Variants in VEPH1 observed in about 807,000 individuals in gnomAD.
VEPH1 encodes the protein ventricular zone expressed PH domain containing 1.
A neutral mutation model predicts 85.2 loss-of-function variants in VEPH1; 80 were observed. The ratio of observed to expected loss-of-function variants is 0.94; its 90% CI spans 0.78 to 1.13. VEPH1 has a LOEUF of 1.13. Among genes scored for constraint, VEPH1 ranks in the 50% most tolerant of loss-of-function variants. The probability of loss-of-function intolerance (pLI) is 0.00; values close to 1 mark genes in which losing one functional copy is unlikely to be tolerated. For missense variants in VEPH1, 955 were observed against 980.5 expected (o/e 0.97, Z 0.35); for synonymous variants, 297 against 348.0 (o/e 0.85, Z 1.63).
intron 9 of VEPH1, among the ~76,000 whole-genome samples, chr3:157,322,006 G>T (rs1315064205): frequency 6.6e-6 from 1 of 151,890 alleles, no homozygotes; most frequent in Non-Finnish European, 1.5e-5. Flanking sequence ...CAATTCGCTG[G>T]CATTAAATAC....
At chr3:157,406,299 C>T (rs577196222) in intron 6 of VEPH1, among the ~76,000 whole-genome samples, 27 of 152,190 alleles carry the variant, frequency 1.8e-4, no homozygotes, top group African/African-American at 3.1e-4. Flanking sequence ...TCTTGTAGAA[C>T]GGACCCCAGA....
intron 6 of VEPH1, among the ~76,000 whole-genome samples, chr3:157,411,211 T>C (rs575749298): frequency 1.3e-5 from 2 of 152,284 alleles, no homozygotes; most frequent in African/African-American, 4.8e-5. Context: ...AGAAGGAGCC[T>C]GGGTCTCTGA....
chr3:157,363,243 A>T, intron 9 of VEPH1, 121 bp downstream of exon 9: 1 of 1,030,800 alleles, frequency 9.7e-7, no homozygotes, highest in Non-Finnish European at 1.4e-6. Flanking sequence ...GGTATTTAAA[A>T]AAAATGATCT....
chr3:157,261,964 C>G (rs1712966202), intron 13 of VEPH1, among the ~76,000 whole-genome samples: 1 of 152,092 alleles, frequency 6.6e-6, no homozygotes. Flanking sequence ...TCACACTGGG[C>G]TAAGATGAAT....
At chr3:157,450,150 G>C (rs1162688010) in intron 4 of VEPH1, among the ~76,000 whole-genome samples, 1 of 148,586 alleles carries the variant, frequency 6.7e-6, no homozygotes, top group African/African-American at 2.5e-5. Flanking sequence ...CAACCTCCTG[G>C]GCTCAAGCTA....
Position 157,317,140 on chromosome 3 carries a change from G to T in VEPH1, c.1797C>A (p.Cys599Ter), listed in dbSNP as rs138502294. The change falls in exon 10 of 14, where the codon TGC becomes TGA. Residue 599 changes from cysteine to a stop codon, truncating the protein, a stop_gained. Transcript: ENST00000362010. LOFTEE classifies it high-confidence loss of function. ...FFTCSLKGHY[C>*]LYSKSSFILI... ...GAATAAAACTGGACTTACTGTATAG[G>T]CAGTAATGACCCTTCAGGGAGCAGG... 3.6e-5 allele frequency: 58 copies of T among 1,613,270 alleles called. No individual in the cohort carries two copies. Among genetic ancestry groups the T allele is most frequent in the Non-Finnish European group, 4.9e-5 (58 of 1,179,586 alleles).
chr3:157,373,193 G>C (rs1025137319), intron 7 of VEPH1, among the ~76,000 whole-genome samples: 1 of 152,284 alleles, frequency 6.6e-6, no homozygotes, highest in South Asian at 2.1e-4. Context: ...TGCCTCCAGA[G>C]CTCTCACTTA....
intron 6 of VEPH1, chr3:157,409,916 C>A (rs1451841601): frequency 1.0e-6 from 1 of 985,308 alleles, no homozygotes; most frequent in Non-Finnish European, 1.2e-6. Flanking sequence ...TTGCTGGAAA[C>A]CAGAAAACAA....
At chr3:157,263,477 A>G (rs1713187268) in intron 13 of VEPH1, among the ~76,000 whole-genome samples, 6 of 152,070 alleles carry the variant, frequency 3.9e-5, no homozygotes, top group Admixed American at 3.9e-4. Context: ...GAAAATTACT[A>G]CGTCTTCATT....
At chr3:157,388,002 TA>T (rs1729485199) in intron 6 of VEPH1, among the ~76,000 whole-genome samples, 1 of 152,126 alleles carries the variant, frequency 6.6e-6, no homozygotes, top group South Asian at 2.1e-4. Flanking sequence ...TTTACAAATG[TA>T]AAAAAATAAT....
intron 2 of VEPH1, among the ~76,000 whole-genome samples, chr3:157,483,226 C>A (rs1738299976): frequency 6.6e-6 from 1 of 151,942 alleles, no homozygotes; most frequent in Admixed American, 6.6e-5. Context: ...GACATCACCA[C>A]CACTAACAAC....
rs1726249996 is a variant in VEPH1 at position 157,363,237 on chromosome 3, T to C, written c.1735+127A>G. 4.3e-6 allele frequency: 4 copies of C among 933,416 alleles called. No individual in the cohort carries two copies. In the East Asian group the frequency reaches 1.0e-4, roughly 24 times the overall value. The allele number at this position is 933,416 out of a possible 1,614,324, so 57.8% of individuals were successfully genotyped here. ...AAAAAAACTAACATAATGTAAGGTATTTAAAAAAAATGATCTATTTTGCAA... is the reference window on the plus strand; with the variant it reads ...AAAAAAACTAACATAATGTAAGGTACTTAAAAAAAATGATCTATTTTGCAA... On this transcript the variant is annotated intron_variant, in intron 9 of 13. Transcript: ENST00000362010.
At position 157,313,501 on chromosome 3, in the gene VEPH1, T is replaced by C. The variant is rs113999863; in HGVS notation, c.2010+120A>G. The C allele has an allele frequency of 8.5e-3, 10,092 of 1,185,566 alleles. 61 individuals are homozygous for C. The highest frequency in any genetic ancestry group is 9.9e-3 in the Non-Finnish European group (8,542 of 863,520). The allele number at this position is 1,185,566 out of a possible 1,614,324, so 73.4% of individuals were successfully genotyped here. A position where few individuals can be genotyped will look rare whatever the true frequency, so the allele number is the denominator to read the frequency against. ...ATAATTTCTTACAAGTGTTTTATGA[T>C]AATAATAAAAGAAAGGTAAACGAAA... On this transcript the variant is annotated intron_variant, in intron 11 of 13. Transcript: ENST00000362010.
At chr3:157,503,424 T>G (rs543185482), upstream of VEPH1, 1 of 152,344 alleles carries the variant, frequency 6.6e-6, no homozygotes, top group African/African-American at 2.4e-5. Flanking sequence ...CTCCCTGAGC[T>G]GCCTGTCAAG....
intron 9 of VEPH1, among the ~76,000 whole-genome samples, chr3:157,343,172 A>G (rs1723782004): frequency 6.6e-6 from 1 of 152,198 alleles, no homozygotes; most frequent in Non-Finnish European, 1.5e-5. Context: ...AGAAATAACT[A>G]AGATCAGAGC....
At chr3:157,365,239 AAT>A (rs1726508539) in intron 7 of VEPH1, among the ~76,000 whole-genome samples, 1 of 152,230 alleles carries the variant, frequency 6.6e-6, no homozygotes, top group Non-Finnish European at 1.5e-5. Flanking sequence ...GGTGCTGAGT[AAT>A]TATAGGAAAG....
intron 4 of VEPH1, chr3:157,437,874 C>T (rs984473486): frequency 1.3e-6 from 2 of 1,504,548 alleles, no homozygotes; most frequent in Middle Eastern, 2.3e-4. Flanking sequence ...CCGACCTGCA[C>T]GCGGTGCAGG....
chr3:157,465,812 C>G (rs1736315175), intron 3 of VEPH1, among the ~76,000 whole-genome samples: 1 of 152,244 alleles, frequency 6.6e-6, no homozygotes, highest in Non-Finnish European at 1.5e-5. Flanking sequence ...AGCAGCAGAT[C>G]TGGAGATTAT....
chr3:157,327,891 C>T (rs1559962552), intron 9 of VEPH1, among the ~76,000 whole-genome samples: 1 of 152,168 alleles, frequency 6.6e-6, no homozygotes, highest in Non-Finnish European at 1.5e-5. Flanking sequence ...AGAGAGGGAA[C>T]AAAGAGCCCT....
Sources: gnomAD v4.1 joint callset for allele counts (sites outside exome capture counted in the v4.1 genomes callset) on GRCh38, gnomAD v4.1.1 for gene constraint, MANE v1.5 for transcripts, NCBI Gene and HGNC (gene_info 2026-07-23, HGNC 2026-07-21) for gene names.